Variants in GALNT7 observed in about 807,000 individuals in gnomAD.
The protein encoded by GALNT7 is polypeptide N-acetylgalactosaminyltransferase 7.
GALNT7 carries 60 observed loss-of-function variants against 82.1 expected under a neutral mutation model. The observed-to-expected ratio is 0.73, with a 90% CI of 0.59 to 0.91. The LOEUF (loss-of-function observed/expected upper bound fraction) is 0.91. Ranked by LOEUF, GALNT7 falls within the 40% of genes least tolerant of loss-of-function variation. GALNT7 has a pLI of 0.00. For missense variants in GALNT7, 660 were observed against 804.2 expected, an observed-to-expected ratio of 0.82 and a Z score of 2.17; for synonymous variants, 243 against 275.1, an observed-to-expected ratio of 0.88 and a Z score of 1.15.
intron 2 of GALNT7, among the ~76,000 whole-genome samples, chr4:173,250,503 GCCCAGAT>G (rs569774567): frequency 1.3e-5 from 2 of 152,100 alleles, no homozygotes; most frequent in Non-Finnish European, 2.9e-5. Flanking sequence ...CCAAAATGTA[GCCCAGAT>G]CACTTCTGAG....
At chr4:173,284,729 A>C (rs6810397) in intron 2 of GALNT7, among the ~76,000 whole-genome samples, 14,432 of 151,874 alleles carry the variant, frequency 0.095, 1,618 homozygotes, top group African/African-American at 0.27. Context: ...TTGAAAAAAA[A>C]AACAACAACA....
intron 2 of GALNT7, among the ~76,000 whole-genome samples, chr4:173,250,543 A>G (rs1373589056): frequency 2.0e-5 from 3 of 150,966 alleles, no homozygotes; most frequent in Non-Finnish European, 3.0e-5. Context: ...CCTCTCCTCT[A>G]CCTCCACCTG....
At chr4:173,279,262 T>C (rs1742268897) in intron 2 of GALNT7, among the ~76,000 whole-genome samples, 1 of 152,050 alleles carries the variant, frequency 6.6e-6, no homozygotes, top group African/African-American at 2.4e-5. Context: ...TCTCACATGG[T>C]GAGACTGAGA....
At chr4:173,257,059 A>G (rs28513634) in intron 2 of GALNT7, among the ~76,000 whole-genome samples, 11,481 of 152,234 alleles carry the variant, frequency 0.075, 842 homozygotes, top group African/African-American at 0.19. Context: ...TTACATTTAC[A>G]CATGTAGATC....
chr4:173,200,045 A>T (rs879649902), intron 1 of GALNT7, among the ~76,000 whole-genome samples: 1 of 152,254 alleles, frequency 6.6e-6, no homozygotes. Context: ...TGCTGCAAAT[A>T]TTCATAACCT....
intron 1 of GALNT7, among the ~76,000 whole-genome samples, chr4:173,210,419 C>T (rs1001175334): frequency 2.0e-5 from 3 of 152,094 alleles, no homozygotes; most frequent in Non-Finnish European, 2.9e-5. Flanking sequence ...CTATCAAAAG[C>T]CAGGGAGAAC....
chr4:173,204,409 T>G (rs1733028655), intron 1 of GALNT7, among the ~76,000 whole-genome samples: 1 of 152,362 alleles, frequency 6.6e-6, no homozygotes, highest in South Asian at 2.1e-4. Context: ...TTTTACTTCT[T>G]TAAATAAGCT....
At chr4:173,265,039 A>G (rs1735428143) in intron 2 of GALNT7, among the ~76,000 whole-genome samples, 1 of 152,152 alleles carries the variant, frequency 6.6e-6, no homozygotes, top group African/African-American at 2.4e-5. Context: ...GTTTGGCAAA[A>G]CTTGCGCTTC....
chr4:173,217,843 T>C (rs1050415050), intron 1 of GALNT7, among the ~76,000 whole-genome samples: 1 of 152,200 alleles, frequency 6.6e-6, no homozygotes, highest in African/African-American at 2.4e-5. Context: ...AAGGAGTGGG[T>C]TGATAAACTT....
At chr4:173,178,387 C>T (rs1308367071) in intron 1 of GALNT7, among the ~76,000 whole-genome samples, 1 of 152,044 alleles carries the variant, frequency 6.6e-6, no homozygotes, top group Non-Finnish European at 1.5e-5. Context: ...TGAGGTTTAT[C>T]ATTAAATTAT....
At chr4:173,176,200 C>T (rs547662894) in intron 1 of GALNT7, among the ~76,000 whole-genome samples, 2 of 152,132 alleles carry the variant, frequency 1.3e-5, no homozygotes, top group Admixed American at 6.5e-5. Context: ...GCAAATCTGG[C>T]GGAAAAGCAT....
intron 2 of GALNT7, among the ~76,000 whole-genome samples, chr4:173,278,929 A>T (rs1220091604): frequency 6.6e-6 from 1 of 152,206 alleles, no homozygotes; most frequent in East Asian, 1.9e-4. Context: ...TGTGTAATGC[A>T]CTGTATGGAA....
intron 2 of GALNT7, among the ~76,000 whole-genome samples, chr4:173,288,959 A>G (rs1018951173): frequency 7.2e-5 from 11 of 152,052 alleles, no homozygotes; most frequent in Non-Finnish European, 1.5e-5. Flanking sequence ...TCTAGGATGC[A>G]AAAACACCTG....
At chr4:173,225,621 T>C (rs11733769) in intron 1 of GALNT7, among the ~76,000 whole-genome samples, 148,161 of 152,306 alleles carry the variant, frequency 0.97, 72,180 homozygotes, top group East Asian at 1. Context: ...ATTGTGCTCA[T>C]ATATTAATAT....
In GALNT7 at chr4:173,304,699, C is replaced by T. The variant is rs568223503; in HGVS notation, c.1389+581C>T. 9.4e-4 allele frequency among the ~76,000 whole-genome samples: 143 copies of T among 152,086 alleles called. 1 individual carries two copies. The highest frequency in any genetic ancestry group is 3.2e-3 in the African/African-American group (132 of 41,492). On this transcript the variant is annotated intron_variant, in intron 8 of 11. Coordinates refer to ENST00000265000, the MANE Select transcript of GALNT7 (RefSeq NM_017423.3). Reference sequence around the variant, plus strand: ...TTTGACCAAAATCAGCCCACTCCCCCCAATCCTCACCTTCTGGTAACCACC... The same window carrying T: ...TTTGACCAAAATCAGCCCACTCCCCTCAATCCTCACCTTCTGGTAACCACC...
At chr4:173,186,981 C>T (rs112265673) in intron 1 of GALNT7, among the ~76,000 whole-genome samples, 2,460 of 152,182 alleles carry the variant, frequency 0.016, 67 homozygotes, top group Admixed American at 0.066. Flanking sequence ...TGGTCTCGAT[C>T]TCCTGACCTC....
At chr4:173,172,101 A>G (rs1038355455) in intron 1 of GALNT7, among the ~76,000 whole-genome samples, 2 of 152,230 alleles carry the variant, frequency 1.3e-5, no homozygotes, top group African/African-American at 2.4e-5. Context: ...GCTTTAGAGC[A>G]GGAACGGAAG....
At chr4:173,285,863 T>G (rs1201393901) in intron 2 of GALNT7, among the ~76,000 whole-genome samples, 4 of 152,154 alleles carry the variant, frequency 2.6e-5, no homozygotes, top group Non-Finnish European at 5.9e-5. Flanking sequence ...AGGGGTTCCA[T>G]GAGGAAAACA....
chr4:173,302,359 A>G lies in GALNT7; in HGVS notation c.1266+195A>G, dbSNP rs1354977189. On this transcript the variant is annotated intron_variant, in intron 7 of 11. Transcript: ENST00000265000. This position sits in a 1 kb window ranked among gnomAD's most constrained non-coding sequence, Gnocchi z 4.2. ...GCAAAATGCAAGCTCCAAACTTACC[A>G]TATATTTACAGGGCTCAGCTCAAAA... Among the ~76,000 whole-genome samples the G allele has an allele frequency of 2.6e-5, 4 of 152,196 alleles. No individual in the cohort carries two copies. Among genetic ancestry groups the G allele is most frequent in the Admixed American group, 2.6e-4 (4 of 15,276 alleles).
Sources: allele counts gnomAD v4.1 joint callset (sites outside exome capture counted in the v4.1 genomes callset), GRCh38; gene constraint gnomAD v4.1.1; non-coding constraint Gnocchi (gnomAD v3.1); transcripts MANE v1.5; gene names NCBI Gene and HGNC (gene_info 2026-07-23, HGNC 2026-07-21).